The following HDAC4 variants were observed in gnomAD, a reference collection of about 807,000 sequenced individuals.
HDAC4 encodes histone deacetylase 4.
A neutral mutation model predicts 135.1 loss-of-function variants in HDAC4; 16 were observed. The ratio of observed to expected loss-of-function variants is 0.12; its 90% CI spans 0.08 to 0.18. The LOEUF is 0.18. Ranked by LOEUF, HDAC4 falls within the 10% of genes least tolerant of loss-of-function variation. The pLI, the probability that HDAC4 is intolerant of heterozygous loss-of-function variation, is 1.00. For missense variants in HDAC4, 1,143 were observed against 1,511.8 expected (o/e 0.76, Z 4.05); for synonymous variants, 685 against 653.4 (o/e 1.05, Z -0.74).
chr2:239,054,621 G>GC, intron 25 of HDAC4, 128 bp downstream of exon 25: 1 of 747,748 alleles, frequency 1.3e-6, no homozygotes, highest in South Asian at 1.4e-5. Context: ...GCCTTCTGCT[G>GC]CAGGCCTGGG....
intron 1 of HDAC4, among the ~76,000 whole-genome samples, chr2:239,396,998 A>AT (rs1010913113): frequency 6.6e-6 from 1 of 152,182 alleles, no homozygotes; most frequent in Non-Finnish European, 1.5e-5. Flanking sequence ...CACACGTGAC[A>AT]TAAGACAGCA....
At position 239,141,835 on chromosome 2, in the gene HDAC4, C is replaced by T. The variant is rs1027935463; in HGVS notation, c.866-2039G>A. Among the ~76,000 whole-genome samples, 2 of 152,144 alleles carry T rather than the reference C, an allele frequency of 1.3e-5. No individual in the cohort carries two copies. Among genetic ancestry groups the T allele is most frequent in the Non-Finnish European group, 2.9e-5 (2 of 68,038 alleles). ...AACTTTCCACCCACTTTTAACTCAA[C>T]GAGGTTAATTTTATTTTTTTGCATT... On this transcript the variant is annotated intron_variant, in intron 8 of 26. Transcript: ENST00000543185. The surrounding 1 kb of genome is among the most constrained non-coding windows in gnomAD (Gnocchi z 4.9).
chr2:239,063,581 A>G (rs942517947), intron 24 of HDAC4, among the ~76,000 whole-genome samples: 21 of 151,992 alleles, frequency 1.4e-4, no homozygotes, highest in Non-Finnish European at 2.4e-4. Flanking sequence ...CCCTCAGAAG[A>G]TCCAGGGGTT....
chr2:239,273,152 G>A (rs1371513389), intron 2 of HDAC4, among the ~76,000 whole-genome samples: 1 of 152,138 alleles, frequency 6.6e-6, no homozygotes, highest in Non-Finnish European at 1.5e-5. Flanking sequence ...ATTATACAAG[G>A]TGACAAGGTG....
intron 11 of HDAC4, among the ~76,000 whole-genome samples, chr2:239,130,974 G>A (rs561532109): frequency 5.3e-5 from 8 of 152,314 alleles, no homozygotes; most frequent in East Asian, 3.9e-4. Context: ...CTTCTTACCC[G>A]GGAATGGGCT....
chr2:239,274,485 C>G (rs1196618580), intron 2 of HDAC4, among the ~76,000 whole-genome samples: 1 of 152,226 alleles, frequency 6.6e-6, no homozygotes, highest in African/African-American at 2.4e-5. Flanking sequence ...CGCCGCTGGT[C>G]TCTAAGCCAC....
chr2:239,161,757 C>T (rs1216310586), intron 6 of HDAC4: 2 of 417,626 alleles, frequency 4.8e-6, no homozygotes, highest in Admixed American at 2.8e-5. Flanking sequence ...CTTGAACACC[C>T]AGCTCACCCA....
intron 2 of HDAC4, among the ~76,000 whole-genome samples, chr2:239,311,136 T>A (rs1025922833): frequency 1.3e-5 from 2 of 152,138 alleles, no homozygotes; most frequent in Non-Finnish European, 1.5e-5. Flanking sequence ...TCAAGCAGCA[T>A]CAGCTCCACT....
At chr2:239,297,155 T>G (rs1056826031) in intron 2 of HDAC4, among the ~76,000 whole-genome samples, 1 of 152,062 alleles carries the variant, frequency 6.6e-6, no homozygotes, top group African/African-American at 2.4e-5. Flanking sequence ...CTGCTCTTTG[T>G]AAGCTCTGAC....
intron 2 of HDAC4, among the ~76,000 whole-genome samples, chr2:239,312,227 C>T (rs575436947): frequency 7.9e-5 from 12 of 152,296 alleles, no homozygotes; most frequent in South Asian, 2.1e-4. Context: ...CAGCCACCCA[C>T]GCTACAGAGG....
intron 7 of HDAC4, among the ~76,000 whole-genome samples, chr2:239,150,980 G>A (rs974786750): frequency 2.6e-5 from 4 of 152,262 alleles, no homozygotes; most frequent in Non-Finnish European, 5.9e-5. Context: ...GGAAGTGTGG[G>A]CACTGCCCAT....
In HDAC4 at chr2:239,066,815, G is replaced by A. The variant is rs61735640; in HGVS notation, c.2910C>T (p.Gly970=). ...CCTCGAGGGCCAGGACAATCCGGCCGCCAGCCAGGCCCATCAGCTGCTTCG... is the reference window on the plus strand; with the variant it reads ...CCTCGAGGGCCAGGACAATCCGGCCACCAGCCAGGCCCATCAGCTGCTTCG... ...YLTKQLMGLA[G]GRIVLALEGG... Residue 970 remains glycine (G), a synonymous_variant, in exon 24 of 27, where the codon GGC becomes GGT. Coordinates refer to ENST00000543185, the MANE Select transcript of HDAC4 (RefSeq NM_001378414.1). The A allele has an allele frequency of 3.2e-3, 5,120 of 1,613,494 alleles. 158 individuals are homozygous for A. The African/African-American group carries it at 0.059, about 19-fold the overall frequency.
chr2:239,366,367 G>C (rs1267440258), intron 1 of HDAC4, among the ~76,000 whole-genome samples: 1 of 152,250 alleles, frequency 6.6e-6, no homozygotes, highest in Non-Finnish European at 1.5e-5. Flanking sequence ...CAGAGCATCA[G>C]CTTTCTCCAT....
chr2:239,167,727 C>CT lies in HDAC4; in HGVS notation c.491-3805dup, dbSNP rs76427189. On this transcript the variant is annotated intron_variant, in intron 5 of 26. Transcript: ENST00000543185. The surrounding 1 kb of genome is among the most constrained non-coding windows in gnomAD (Gnocchi z 4.1). Reference sequence around the variant, plus strand: ...CAGATCTCCCTAATTTTTACTTTTACTTTTTTTTTTTTTTTCTTAATTCAC... The same window carrying CT: ...CAGATCTCCCTAATTTTTACTTTTACTTTTTTTTTTTTTTTTCTTAATTCAC... 8.7e-3 allele frequency among the ~76,000 whole-genome samples: 1,249 copies of CT among 144,026 alleles called. 12 individuals carry two copies. The highest frequency in any genetic ancestry group is 0.023 in the African/African-American group (909 of 39,484). The allele number at this position is 144,026 out of a possible 152,430, so 94.5% of individuals were successfully genotyped here. A position where few individuals can be genotyped will look rare whatever the true frequency, so the allele number is the denominator to read the frequency against.
At chr2:239,252,163 C>T (rs939607766) in intron 2 of HDAC4, among the ~76,000 whole-genome samples, 1 of 152,310 alleles carries the variant, frequency 6.6e-6, no homozygotes, top group Non-Finnish European at 1.5e-5. Flanking sequence ...CATGGTGGTT[C>T]CAGGATTCTG....
At chr2:239,193,184 A>G (rs992410653) in intron 3 of HDAC4, among the ~76,000 whole-genome samples, 7 of 152,168 alleles carry the variant, frequency 4.6e-5, no homozygotes, top group Non-Finnish European at 8.8e-5. Context: ...CCATGTAGAA[A>G]CAGGGTCCCA....
intron 11 of HDAC4, among the ~76,000 whole-genome samples, chr2:239,132,805 C>T (rs1326870721): frequency 2.6e-5 from 4 of 152,216 alleles, no homozygotes; most frequent in Admixed American, 6.5e-5. Flanking sequence ...ACATCTCTGA[C>T]GAAGTGAATC....
At position 239,307,407 on chromosome 2, in the gene HDAC4, G is replaced by T. The variant is rs1023129704; in HGVS notation, c.22+45271C>A. Reference sequence around the variant, plus strand: ...GCGGCCACTGGGCCCCAGGAGAGAGGGGCTTGAAGGATGGGTACCCCAAGC... The same window carrying T: ...GCGGCCACTGGGCCCCAGGAGAGAGTGGCTTGAAGGATGGGTACCCCAAGC... On this transcript the variant is annotated intron_variant, in intron 2 of 26. Coordinates refer to ENST00000543185, the MANE Select transcript of HDAC4 (RefSeq NM_001378414.1). The surrounding 1 kb of genome is among the most constrained non-coding windows in gnomAD (Gnocchi z 4.8). 5.3e-5 allele frequency among the ~76,000 whole-genome samples: 8 copies of T among 152,140 alleles called. No individual in the cohort carries two copies. The South Asian group carries it at 1.2e-3, about 24-fold the overall frequency.
At position 239,052,747 on chromosome 2, in the gene HDAC4, G is replaced by A. The variant is rs1259983148; in HGVS notation, c.*350C>T. Reference sequence around the variant, plus strand: ...TTGATATTTGTTTTCTGTGCCTCGTGTCAACTGAATTCGGCAGCTCGGCCG... The same window carrying A: ...TTGATATTTGTTTTCTGTGCCTCGTATCAACTGAATTCGGCAGCTCGGCCG... On this transcript the variant is annotated 3_prime_UTR_variant, in exon 27 of 27. Transcript: ENST00000543185. 1.9e-5 allele frequency: 7 copies of A among 370,578 alleles called. No homozygotes were observed. 23.0% of individuals were successfully genotyped at this position (370,578 alleles called of 1,614,324 possible). A position where few individuals can be genotyped will look rare whatever the true frequency, so the allele number is the denominator to read the frequency against.
Sources: allele counts gnomAD v4.1 joint callset (sites outside exome capture counted in the v4.1 genomes callset), GRCh38; gene constraint gnomAD v4.1.1; non-coding constraint Gnocchi (gnomAD v3.1); transcripts MANE v1.5; gene names NCBI Gene and HGNC (gene_info 2026-07-23, HGNC 2026-07-21).